KALRN: variants seen among roughly 807,000 people sequenced by gnomAD.
The protein encoded by KALRN is kalirin RhoGEF kinase, also known as kalirin.
In KALRN, 70 loss-of-function variants were observed where a neutral mutation model predicts 353.7. The ratio of observed to expected loss-of-function variants is 0.20; its 90% CI spans 0.16 to 0.24. The LOEUF is 0.24. Ranked by LOEUF, KALRN falls within the 10% of genes least tolerant of loss-of-function variation. KALRN has a pLI of 1.00. For synonymous variants in KALRN, 1,391 were observed against 1,434.8 expected (o/e 0.97, Z 0.69); for missense variants, 2,791 against 3,756.7 (o/e 0.74, Z 6.72).
At chr3:124,524,305 G>A (rs2067400012) in intron 33 of KALRN, among the ~76,000 whole-genome samples, 2 of 152,170 alleles carry the variant, frequency 1.3e-5, no homozygotes, top group Admixed American at 1.3e-4. Flanking sequence ...GTGGGATGAG[G>A]AAGGAGAACT....
At chr3:124,338,842 A>G (rs1318331699) in intron 9 of KALRN, among the ~76,000 whole-genome samples, 2 of 152,204 alleles carry the variant, frequency 1.3e-5, no homozygotes. Context: ...GAAACCCAAA[A>G]TGGAAAAAAA....
intron 34 of KALRN, among the ~76,000 whole-genome samples, chr3:124,623,455 C>T (rs774153244): frequency 1.9e-4 from 25 of 132,864 alleles, no homozygotes; most frequent in Non-Finnish European, 3.0e-4. Context: ...CTCACATGAT[C>T]GCAAGGTCCC....
rs568154677 is a variant in KALRN at position 124,355,248 on chromosome 3, G to C, written c.1770+7983G>C. 4.5e-4 allele frequency among the ~76,000 whole-genome samples: 69 copies of C among 152,250 alleles called. No individual in the cohort carries two copies. The East Asian group carries it at 5.8e-3, about 13-fold the overall frequency. On this transcript the variant is annotated intron_variant, in intron 10 of 59. Coordinates refer to ENST00000682506, the MANE Select transcript of KALRN (RefSeq NM_001388419.1). The stretch of plus-strand genomic sequence containing the variant: ...CTTAGAGCAGAGAGGAATGTTAAAG[G>C]CTTTTGAGTGATAATATAAATTAAA...
chr3:124,544,993 A>T (rs1039765551), intron 33 of KALRN, among the ~76,000 whole-genome samples: 3 of 152,192 alleles, frequency 2.0e-5, no homozygotes, highest in Non-Finnish European at 4.4e-5. Flanking sequence ...GAGATCAGAA[A>T]GGCAGGTACT....
At chr3:124,194,134 C>T (rs1482731082) in intron 1 of KALRN, among the ~76,000 whole-genome samples, 2 of 152,120 alleles carry the variant, frequency 1.3e-5, no homozygotes, top group East Asian at 3.9e-4. Context: ...AAGAGAACAC[C>T]TATGAAGCAA....
chr3:124,398,218 A>G (rs1286068249), intron 12 of KALRN, among the ~76,000 whole-genome samples: 1 of 152,256 alleles, frequency 6.6e-6, no homozygotes, highest in Non-Finnish European at 1.5e-5. Context: ...CAACCATGAC[A>G]TCATCTGTTT....
intron 33 of KALRN, among the ~76,000 whole-genome samples, chr3:124,501,674 AC>A (rs1157812115): frequency 6.6e-6 from 1 of 152,120 alleles, no homozygotes; most frequent in Non-Finnish European, 1.5e-5. Context: ...TCACCTGCAC[AC>A]TGGGAGGCCA....
intron 4 of KALRN, among the ~76,000 whole-genome samples, chr3:124,266,799 T>C (rs1409907761): frequency 6.6e-6 from 1 of 152,238 alleles, no homozygotes; most frequent in East Asian, 1.9e-4. Flanking sequence ...TGACCTATTA[T>C]AGTCTCCTGG....
chr3:124,174,413 G>A lies in KALRN; in HGVS notation c.74-53577G>A, dbSNP rs913823214. ...CATGTCACTGCACTCCAGCCTGGGC[G>A]ACAGAGCAAGACTCTGTCTTAAAAA... On this transcript the variant is annotated intron_variant, in intron 1 of 59. Coordinates refer to ENST00000682506, the MANE Select transcript of KALRN (RefSeq NM_001388419.1). 2.6e-5 allele frequency among the ~76,000 whole-genome samples: 4 copies of A among 152,114 alleles called. No individual in the cohort carries two copies. The South Asian group carries it at 6.2e-4, about 24-fold the overall frequency.
chr3:124,171,144 G>A (rs1311927906), intron 1 of KALRN, among the ~76,000 whole-genome samples: 6 of 152,002 alleles, frequency 3.9e-5, no homozygotes, highest in Non-Finnish European at 8.8e-5. Context: ...TGCTACCCCT[G>A]TTCTCAGAAG....
chr3:124,201,674 GAA>G (rs940598019), intron 1 of KALRN, among the ~76,000 whole-genome samples: 2 of 152,230 alleles, frequency 1.3e-5, no homozygotes, highest in African/African-American at 4.8e-5. Context: ...CTCCTTGTGG[GAA>G]GGCAGATGTG....
intron 24 of KALRN, 38 bp from the exon 25 acceptor site, chr3:124,462,486 C>G: frequency 8.1e-7 from 1 of 1,229,364 alleles, no homozygotes. Flanking sequence ...ATATGGCCTG[C>G]CAGACTTGCC....
intron 1 of KALRN, among the ~76,000 whole-genome samples, chr3:124,126,067 C>T (rs2064626149): frequency 6.6e-6 from 1 of 152,160 alleles, no homozygotes; most frequent in African/African-American, 2.4e-5. Flanking sequence ...ATCTGTTTTG[C>T]CTTCATCGTT....
intron 57 of KALRN, among the ~76,000 whole-genome samples, chr3:124,711,299 A>C (rs2062875728): frequency 6.6e-6 from 1 of 152,188 alleles, no homozygotes; most frequent in South Asian, 2.1e-4. Flanking sequence ...TGGGATGACA[A>C]GCATGAGCCA....
At chr3:124,048,833 CT>C (rs935842303) in intron 1 of KALRN, among the ~76,000 whole-genome samples, 5 of 152,194 alleles carry the variant, frequency 3.3e-5, no homozygotes, top group African/African-American at 1.2e-4. Context: ...GGATGTGTTA[CT>C]TTATTAAACC....
At chr3:124,538,764 G>A (rs923671019) in intron 33 of KALRN, among the ~76,000 whole-genome samples, 1 of 152,194 alleles carries the variant, frequency 6.6e-6, no homozygotes, top group Non-Finnish European at 1.5e-5. Context: ...CCACACTCAC[G>A]CTGAGTCTTG....
At chr3:124,355,825 C>T (rs1296355200) in intron 10 of KALRN, among the ~76,000 whole-genome samples, 1 of 149,258 alleles carries the variant, frequency 6.7e-6, no homozygotes. Flanking sequence ...AAGCGATTCT[C>T]CTGCCTCAGC....
In KALRN at chr3:124,490,869, C is replaced by T; in HGVS notation, c.4572C>T (p.Tyr1524=). 6.2e-7 allele frequency: 1 copy of T among 1,612,090 alleles called. No homozygotes were observed. Residue 1524 remains tyrosine (Y), a synonymous_variant, in exon 30 of 60, where the codon TAC becomes TAT. Transcript: ENST00000682506. ...CTTCAGGACACACGAAATATGTTTA[C>T]AAGAACAAGCTACTGGTAGGTGGGG... ...KDSSGHTKYV[Y]KNKLLTSELG...
chr3:124,460,370 A>G (rs1013697214), intron 23 of KALRN, among the ~76,000 whole-genome samples: 1 of 152,214 alleles, frequency 6.6e-6, no homozygotes. Flanking sequence ...TGGGTGGAAA[A>G]TAAAATGGGG....
Sources: gnomAD v4.1 joint callset for allele counts (sites outside exome capture counted in the v4.1 genomes callset) on GRCh38, gnomAD v4.1.1 for gene constraint, MANE v1.5 for transcripts, NCBI Gene and HGNC (gene_info 2026-07-23, HGNC 2026-07-21) for gene names.